IHO1: variants seen among roughly 807,000 people sequenced by gnomAD.
The protein encoded by IHO1 is interactor of HORMAD1 1, also known as interactor of HORMAD1 protein 1.
In IHO1, 13 loss-of-function variants were observed where a neutral mutation model predicts 31.0. That is an observed-to-expected ratio of 0.42 (90% confidence interval 0.27 to 0.67). The LOEUF is 0.67. Ranked by LOEUF, IHO1 falls within the 30% of genes least tolerant of loss-of-function variation. The pLI, the probability that IHO1 is intolerant of heterozygous loss-of-function variation, is 0.24. For missense variants in IHO1, 599 were observed against 687.5 expected, an observed-to-expected ratio of 0.87 and a Z score of 1.44; for synonymous variants, 221 against 248.4, an observed-to-expected ratio of 0.89 and a Z score of 1.04.
At chr3:49,200,202 C>T (rs1292698074) in intron 1 of IHO1, among the ~76,000 whole-genome samples, 1 of 152,060 alleles carries the variant, frequency 6.6e-6, no homozygotes. Context: ...AGGCCGGCTG[C>T]GGTGGCTCAC....
intron 6 of IHO1, among the ~76,000 whole-genome samples, chr3:49,250,384 C>T (rs2046745365): frequency 6.6e-6 from 1 of 152,108 alleles, no homozygotes; most frequent in Admixed American, 6.6e-5. Context: ...GAGAAGACGC[C>T]AAACATATGT....
chr3:49,248,720 T>C (rs530673493), intron 6 of IHO1, among the ~76,000 whole-genome samples: 1 of 152,106 alleles, frequency 6.6e-6, no homozygotes, highest in African/African-American at 2.4e-5. Context: ...AGAGCGAAAC[T>C]CTGTCTCAAA....
chr3:49,248,122 CT>C (rs557800396), intron 6 of IHO1, among the ~76,000 whole-genome samples: 1 of 74,890 alleles, frequency 1.3e-5, no homozygotes. Context: ...GAGACTCCAT[CT>C]CAAAAAAAAA....
chr3:49,234,529 C>G (rs769864950), intron 2 of IHO1, among the ~76,000 whole-genome samples: 4 of 151,986 alleles, frequency 2.6e-5, no homozygotes, highest in Non-Finnish European at 5.9e-5. Flanking sequence ...AGAACCCTAC[C>G]TTCATGACTT....
At chr3:49,228,932 AT>A (rs1430208765) in intron 2 of IHO1, among the ~76,000 whole-genome samples, 20 of 152,246 alleles carry the variant, frequency 1.3e-4, no homozygotes, top group African/African-American at 4.6e-4. Context: ...TGATTGGTCC[AT>A]TTTACAGAGA....
intron 2 of IHO1, among the ~76,000 whole-genome samples, chr3:49,233,954 A>AT (rs1398199580): frequency 6.6e-6 from 1 of 152,108 alleles, no homozygotes; most frequent in Non-Finnish European, 1.5e-5. Flanking sequence ...GAGCCCATCC[A>AT]TTTGTTTCGG....
chr3:49,224,719 T>G (rs1159629420), intron 2 of IHO1, among the ~76,000 whole-genome samples: 1 of 152,218 alleles, frequency 6.6e-6, no homozygotes, highest in African/African-American at 2.4e-5. Flanking sequence ...GTATATAGGT[T>G]AAGGTCAGGA....
intron 1 of IHO1, among the ~76,000 whole-genome samples, chr3:49,203,108 C>T (rs1018568906): frequency 6.6e-6 from 1 of 152,056 alleles, no homozygotes; most frequent in East Asian, 1.9e-4. Context: ...CTCAGACAAT[C>T]CTCCTGCCTC....
At chr3:49,219,058 C>CGG (rs2046321005) in intron 2 of IHO1, among the ~76,000 whole-genome samples, 1 of 152,116 alleles carries the variant, frequency 6.6e-6, no homozygotes, top group African/African-American at 2.4e-5. Context: ...CTTGTAATCC[C>CGG]AGCACTTTGG....
intron 2 of IHO1, among the ~76,000 whole-genome samples, chr3:49,220,184 TA>T (rs1425151911): frequency 1.3e-5 from 2 of 152,152 alleles, no homozygotes; most frequent in African/African-American, 4.8e-5. Flanking sequence ...AACAGGGAAA[TA>T]TTATAGCTAC....
rs2046831733 is a variant in IHO1, at chr3:49,256,817, CAAG to C, written c.1324_1326del (p.Lys442del). On this transcript the variant is annotated inframe_deletion, in exon 8 of 8. Coordinates refer to ENST00000452691, the MANE Select transcript of IHO1 (RefSeq NM_001135197.2). The surrounding 1 kb of genome is among the most constrained non-coding windows in gnomAD (Gnocchi z 4.6). Reference sequence around the variant, plus strand: ...GGACTGTAGAAATGCGGGGGAAAGACAAGAAGCAGCAGCCCAGGAAGGCCCACA... The same window carrying C: ...GGACTGTAGAAATGCGGGGGAAAGACAAGCAGCAGCCCAGGAAGGCCCACA... The C allele has an allele frequency of 2.5e-6, 4 of 1,614,160 alleles. No homozygotes were observed. The highest frequency in any genetic ancestry group is 3.4e-6 in the Non-Finnish European group (4 of 1,180,020).
chr3:49,202,533 GTGTGTGTGTGTGTT>G (rs2046082860), intron 1 of IHO1, among the ~76,000 whole-genome samples: 1 of 70,664 alleles, frequency 1.4e-5, no homozygotes, highest in African/African-American at 4.3e-5. Context: ...GTGTGTGTGT[GTGTGTGTGTGTGTT>G]TCATATTTTT....
At chr3:49,221,693 A>G (rs2107700010) in intron 2 of IHO1, among the ~76,000 whole-genome samples, 1 of 152,326 alleles carries the variant, frequency 6.6e-6, no homozygotes, top group Non-Finnish European at 1.5e-5. Context: ...AGAAGTTGTT[A>G]GTTGAGCTCA....
intron 2 of IHO1, among the ~76,000 whole-genome samples, chr3:49,214,741 G>T (rs940293322): frequency 6.9e-6 from 1 of 144,574 alleles, no homozygotes; most frequent in African/African-American, 2.6e-5. Context: ...CTGGGTTCAA[G>T]CAATTATCTC....
At chr3:49,240,569 G>A (rs1031965477) in intron 3 of IHO1, among the ~76,000 whole-genome samples, 1 of 152,118 alleles carries the variant, frequency 6.6e-6, no homozygotes, top group African/African-American at 2.4e-5. Flanking sequence ...ACATTGGTCA[G>A]GTTGGTCTCA....
rs111947272 is a variant in IHO1, at chr3:49,216,613, G to A, written c.56+4777G>A. The stretch of plus-strand genomic sequence containing the variant: ...AGACTTCATGACTAAAACACCAAAA[G>A]CAATGGCAACAAAAGCCAAAATAGA... On this transcript the variant is annotated intron_variant, in intron 2 of 7. Transcript: ENST00000452691. 2.0e-5 allele frequency among the ~76,000 whole-genome samples: 3 copies of A among 152,178 alleles called. 1 individual carries two copies. The highest frequency in any genetic ancestry group is 7.2e-5 in the African/African-American group (3 of 41,504).
rs548485034 is a variant in IHO1, at chr3:49,238,722, C to T, written c.231+2000C>T. ...ATCTGGTACATATCTTACTCAAGCT[C>T]GTCTTGTGACCTTGTCATGTTGCAC... On this transcript the variant is annotated intron_variant, in intron 3 of 7. Coordinates refer to ENST00000452691, the MANE Select transcript of IHO1 (RefSeq NM_001135197.2). Among the ~76,000 whole-genome samples, 4 of 152,272 alleles carry T rather than the reference C, an allele frequency of 2.6e-5. No homozygotes were observed. In the South Asian group the frequency reaches 6.2e-4, roughly 24 times the overall value.
chr3:49,208,950 G>A (rs897460037), intron 1 of IHO1, among the ~76,000 whole-genome samples: 3 of 152,188 alleles, frequency 2.0e-5, no homozygotes, highest in African/African-American at 7.2e-5. Flanking sequence ...CTCTTGTGTG[G>A]TAGGGGTTGA....
At chr3:49,206,556 A>G (rs1355859864) in intron 1 of IHO1, among the ~76,000 whole-genome samples, 1 of 152,084 alleles carries the variant, frequency 6.6e-6, no homozygotes, top group African/African-American at 2.4e-5. Context: ...GCCATCTTGG[A>G]TTTGGCGGGT....
Sources: gnomAD v4.1 joint callset for allele counts (sites outside exome capture counted in the v4.1 genomes callset) on GRCh38, gnomAD v4.1.1 for gene constraint, Gnocchi (gnomAD v3.1) non-coding constraint, MANE v1.5 for transcripts, NCBI Gene and HGNC (gene_info 2026-07-23, HGNC 2026-07-21) for gene names.